MOB3B: variants seen among roughly 807,000 people sequenced by gnomAD.
MOB3B encodes MOB kinase activator-like 2B.
A neutral mutation model predicts 18.7 loss-of-function variants in MOB3B; 7 were observed. That is an observed-to-expected ratio of 0.37 (90% CI 0.21 to 0.70). The LOEUF is 0.70. MOB3B is among the 30% of genes least tolerant of loss of function. MOB3B has a pLI of 0.52. For missense variants in MOB3B, 253 were observed against 281.3 expected (o/e 0.90, Z 0.72); for synonymous variants, 111 against 99.9 (o/e 1.11, Z -0.66).
intron 1 of MOB3B, among the ~76,000 whole-genome samples, chr9:27,465,366 G>A (rs1288178279): frequency 1.3e-5 from 2 of 152,224 alleles, no homozygotes; most frequent in Non-Finnish European, 2.9e-5. Flanking sequence ...GCTGCAAGAA[G>A]TGGGTTCCCA....
chr9:27,499,368 A>G (rs1371007395), intron 1 of MOB3B, among the ~76,000 whole-genome samples: 1 of 152,232 alleles, frequency 6.6e-6, no homozygotes, highest in African/African-American at 2.4e-5. Context: ...AAGCAAGCTT[A>G]TTAGGTTCAT....
At position 27,501,933 on chromosome 9, in the gene MOB3B, C is replaced by T. The variant is rs148001293; in HGVS notation, c.-199+27622G>A. Among the ~76,000 whole-genome samples the T allele has an allele frequency of 2.0e-4, 30 of 152,214 alleles. No individual in the cohort carries two copies. The East Asian group carries it at 5.8e-3, about 29-fold the overall frequency. ...AAAAGGAATTTTAAATATTACAGTT[C>T]AAGTTTTACCTGTGTAGTCCTTGAT... On this transcript the variant is annotated intron_variant, in intron 1 of 3. Transcript: ENST00000262244.
At chr9:27,361,591 G>C (rs967966084) in intron 2 of MOB3B, among the ~76,000 whole-genome samples, 2 of 152,190 alleles carry the variant, frequency 1.3e-5, no homozygotes, top group African/African-American at 2.4e-5. Flanking sequence ...AGTATTTACT[G>C]AGCTCTTACT....
At chr9:27,489,741 C>CTTTTTTTATTTTTTTTTTT (rs1819785848) in intron 1 of MOB3B, among the ~76,000 whole-genome samples, 1 of 73,118 alleles carries the variant, frequency 1.4e-5, no homozygotes, top group African/African-American at 4.5e-5. Flanking sequence ...AGGAAATAAT[C>CTTTTTTTATTTTTTTTTTT]TTTTTTTTTT....
intron 2 of MOB3B, among the ~76,000 whole-genome samples, chr9:27,384,621 T>G (rs1243394322): frequency 2.0e-5 from 3 of 152,258 alleles, no homozygotes. Context: ...GAACTCATTC[T>G]TCCACAGAAA....
At position 27,417,866 on chromosome 9, in the gene MOB3B, T is replaced by C. The variant is rs140409245; in HGVS notation, c.418+37267A>G. ...TCACAAGGCCAAGAGATCGAGACCA[T>C]CCTGGCCAACTTGGTGAAACCCTTA... On this transcript the variant is annotated intron_variant, in intron 2 of 3. Transcript: ENST00000262244. Among the ~76,000 whole-genome samples the C allele has an allele frequency of 4.6e-3, 698 of 152,004 alleles. 6 individuals are homozygous for C. Among genetic ancestry groups the C allele is most frequent in the African/African-American group, 0.017 (685 of 41,496 alleles).
chr9:27,404,905 C>T (rs1387226740), intron 2 of MOB3B, among the ~76,000 whole-genome samples: 1 of 152,076 alleles, frequency 6.6e-6, no homozygotes, highest in Non-Finnish European at 1.5e-5. Flanking sequence ...TCCCTTTTCT[C>T]CACATCCTCA....
intron 3 of MOB3B, among the ~76,000 whole-genome samples, chr9:27,352,942 T>C (rs996813744): frequency 4.6e-5 from 7 of 152,228 alleles, no homozygotes; most frequent in African/African-American, 1.7e-4. Context: ...ATGTAGTATT[T>C]TGTAAACTCA....
rs550905687 is a variant in MOB3B at position 27,463,994 on chromosome 9, G to T, written c.-198-8246C>A. 9.2e-5 allele frequency among the ~76,000 whole-genome samples: 14 copies of T among 152,218 alleles called. 1 individual carries two copies. The South Asian group carries it at 2.7e-3, about 29-fold the overall frequency. ...AAAGAAAAAAATAATAAGGATAACG[G>T]TTAATGGTGCTTACCTTTATTGTAA... On this transcript the variant is annotated intron_variant, in intron 1 of 3. Transcript: ENST00000262244.
intron 1 of MOB3B, among the ~76,000 whole-genome samples, chr9:27,522,307 C>T (rs922962239): frequency 5.7e-5 from 8 of 141,052 alleles, no homozygotes; most frequent in African/African-American, 2.1e-4. Flanking sequence ...TTGCTCACCA[C>T]AGAAAACTTA....
chr9:27,429,320 A>C (rs190809809), intron 2 of MOB3B, among the ~76,000 whole-genome samples: 251 of 152,348 alleles, frequency 1.6e-3, no homozygotes, highest in African/African-American at 5.7e-3. Flanking sequence ...CACATGGAAA[A>C]GTGTGATATT....
intron 1 of MOB3B, among the ~76,000 whole-genome samples, chr9:27,474,941 C>T (rs1819529866): frequency 6.6e-6 from 1 of 152,202 alleles, no homozygotes; most frequent in Non-Finnish European, 1.5e-5. Flanking sequence ...GGCATCCATG[C>T]TTTTGTATAA....
At chr9:27,435,042 G>C (rs1277407111) in intron 2 of MOB3B, among the ~76,000 whole-genome samples, 1 of 136,678 alleles carries the variant, frequency 7.3e-6, no homozygotes, top group Non-Finnish European at 1.6e-5. Context: ...CCATTTGTAA[G>C]GTGTTTCTCT....
chr9:27,455,873 T>C, intron 1 of MOB3B, 125 bp from the exon 2 acceptor site: 1 of 977,210 alleles, frequency 1.0e-6, no homozygotes, highest in Non-Finnish European at 1.4e-6. Flanking sequence ...TATATGGGCA[T>C]GGGGGTTAAG....
Position 27,330,476 on chromosome 9 carries a change from T to G in MOB3B, c.*111A>C. ...AGGAGTCACTGCTTGCCTCCACCTC[T>G]GCTGTTCCTGGGAGTAGGTGTGTCA... On this transcript the variant is annotated 3_prime_UTR_variant, in exon 4 of 4. Coordinates refer to ENST00000262244, the MANE Select transcript of MOB3B (RefSeq NM_024761.5). 7.0e-7 allele frequency: 1 copy of G among 1,434,696 alleles called. No individual in the cohort carries two copies. Among genetic ancestry groups the G allele is most frequent in the East Asian group, 2.4e-5 (1 of 42,042 alleles). 88.9% of individuals were successfully genotyped at this position (1,434,696 alleles called of 1,614,324 possible).
intron 1 of MOB3B, among the ~76,000 whole-genome samples, chr9:27,460,833 T>G (rs1587232553): frequency 6.6e-6 from 1 of 152,338 alleles, no homozygotes; most frequent in South Asian, 2.1e-4. Flanking sequence ...CTTAACTGAA[T>G]GTTTGCTGAA....
At chr9:27,386,093 T>C (rs981600651) in intron 2 of MOB3B, among the ~76,000 whole-genome samples, 3 of 152,212 alleles carry the variant, frequency 2.0e-5, no homozygotes, top group Admixed American at 6.5e-5. Context: ...ATGATAGTCA[T>C]AGGCAGGAGG....
In MOB3B at chr9:27,402,964, T is replaced by G. The variant is rs575699646; in HGVS notation, c.419-43728A>C. Among the ~76,000 whole-genome samples, 250 of 152,302 alleles carry G rather than the reference T, an allele frequency of 1.6e-3. 1 individual carries two copies. The highest frequency in any genetic ancestry group is 5.7e-3 in the African/African-American group (238 of 41,570). ...ATATGGCTCATGCTCCTTAACACAA[T>G]TTTTGTCCTAAGAGCCTGCTAAGTT... On this transcript the variant is annotated intron_variant, in intron 2 of 3. Coordinates refer to ENST00000262244, the MANE Select transcript of MOB3B (RefSeq NM_024761.5).
chr9:27,503,910 T>C (rs1351903053), intron 1 of MOB3B, among the ~76,000 whole-genome samples: 1 of 152,186 alleles, frequency 6.6e-6, no homozygotes, highest in Non-Finnish European at 1.5e-5. Context: ...GGACCACTCT[T>C]CAGGCTGTCC....
Sources: gnomAD v4.1 joint callset for allele counts (sites outside exome capture counted in the v4.1 genomes callset) on GRCh38, gnomAD v4.1.1 for gene constraint, MANE v1.5 for transcripts, NCBI Gene and HGNC (gene_info 2026-07-23, HGNC 2026-07-21) for gene names.